Variants in F2RL2 observed in about 807,000 individuals in gnomAD.
F2RL2 encodes the protein coagulation factor II thrombin receptor like 2.
F2RL2 carries 4 observed loss-of-function variants against 4.3 expected under a neutral mutation model. The observed-to-expected ratio is 0.93, with a 90% CI of 0.46 to 2.12. F2RL2 has a LOEUF of 2.12. Ranked by LOEUF, F2RL2 falls within the 30% of genes most tolerant of loss-of-function variation. The pLI, the probability that F2RL2 is intolerant of heterozygous loss-of-function variation, is 0.02. For missense variants in F2RL2, 408 were observed against 449.3 expected, an observed-to-expected ratio of 0.91 and a Z score of 0.83; for synonymous variants, 166 against 170.9, an observed-to-expected ratio of 0.97 and a Z score of 0.22.
At chr5:76,619,201 G>A (rs1444062472) in intron 1 of F2RL2, among the ~76,000 whole-genome samples, 1 of 152,148 alleles carries the variant, frequency 6.6e-6, no homozygotes, top group African/African-American at 2.4e-5. Context: ...ATTTCTATCT[G>A]TAAGTAATGC....
intron 1 of F2RL2, among the ~76,000 whole-genome samples, chr5:76,619,963 G>C (rs1440855488): frequency 6.6e-6 from 1 of 152,094 alleles, no homozygotes; most frequent in African/African-American, 2.4e-5. Context: ...ATGGAAGAAA[G>C]GGTCATAACC....
At position 76,619,836 on chromosome 5, in the gene F2RL2, G is replaced by A. The variant is rs927644485; in HGVS notation, c.65-1194C>T. On this transcript the variant is annotated intron_variant, in intron 1 of 1. Coordinates refer to ENST00000296641, the MANE Select transcript of F2RL2 (RefSeq NM_004101.4). ...CCCGGCCAGTTAAGGATCTTAAAATGAGATTTTCCTGGATTGCCTGGGTGG... is the reference window on the plus strand; with the variant it reads ...CCCGGCCAGTTAAGGATCTTAAAATAAGATTTTCCTGGATTGCCTGGGTGG... Among the ~76,000 whole-genome samples, 6 of 152,240 alleles carry A rather than the reference G, an allele frequency of 3.9e-5. No homozygotes were observed. In the South Asian group the frequency reaches 1.0e-3, roughly 26 times the overall value.
chr5:76,617,821 A>G lies in F2RL2; in HGVS notation c.886T>C (p.Trp296Arg). Residue 296 changes from tryptophan (W) to arginine (R), a missense_variant, in exon 2 of 2, where the codon TGG becomes CGG. Trp to Arg is a moderately radical substitution (Grantham distance 101). Coordinates refer to ENST00000296641, the MANE Select transcript of F2RL2 (RefSeq NM_004101.4). Reference protein sequence around the residue: ...IRTLNAYDHRWLWYVKASLLI... With the variant: ...IRTLNAYDHRRLWYVKASLLI... ...AGACTCGCCTTAACATACCACAACC[A>G]TCTATGATCGTATGCATTAAGTGTC... 3 of 1,614,038 alleles carry G rather than the reference A, an allele frequency of 1.9e-6. No homozygotes were observed. The highest frequency in any genetic ancestry group is 1.6e-4 in the Middle Eastern group (1 of 6,062).
rs1431917632 is a variant in F2RL2 at position 76,617,539 on chromosome 5, A to T, written c.*43T>A. 1 of 1,479,764 alleles carries T rather than the reference A, an allele frequency of 6.8e-7. No homozygotes were observed. Among genetic ancestry groups the T allele is most frequent in the South Asian group, 1.3e-5 (1 of 78,788 alleles). 91.7% of individuals were successfully genotyped at this position (1,479,764 alleles called of 1,614,324 possible). A position where few individuals can be genotyped will look rare whatever the true frequency, so the allele number is the denominator to read the frequency against. ...ATGCTTATGTTGTTCTTGAAAACAGACGTTCTCTGTGATGGCTGTCCTTGT... is the reference window on the plus strand; with the variant it reads ...ATGCTTATGTTGTTCTTGAAAACAGTCGTTCTCTGTGATGGCTGTCCTTGT... On this transcript the variant is annotated 3_prime_UTR_variant, in exon 2 of 2. Transcript: ENST00000296641.
intron 1 of F2RL2, among the ~76,000 whole-genome samples, 196 bp downstream of exon 1, chr5:76,622,967 CACTT>C (rs1311611262): frequency 2.0e-5 from 3 of 152,146 alleles, no homozygotes; most frequent in African/African-American, 7.2e-5. Context: ...CAGGAGGGAA[CACTT>C]AGTCTATGAC....
Position 76,618,063 on chromosome 5 carries a change from C to G in F2RL2, c.644G>C (p.Gly215Ala), listed in dbSNP as rs1289826196. Residue 215 changes from glycine to alanine, a missense_variant, in exon 2 of 2, where the codon GGA becomes GCA. Gly to Ala is a moderately conservative substitution (Grantham distance 60, BLOSUM62 0). Coordinates refer to ENST00000296641, the MANE Select transcript of F2RL2 (RefSeq NM_004101.4). ...TAAGAAAACTGTTGCCCACACCAGT[C>G]CACATGTTACCAAGGCATAGGTGTG... ...PKHTYALVTCGLVWATVFLYM... is the reference protein window; with the variant it reads ...PKHTYALVTCALVWATVFLYM... The G allele has an allele frequency of 5.0e-6, 8 of 1,613,946 alleles. No individual in the cohort carries two copies. Among genetic ancestry groups the G allele is most frequent in the Non-Finnish European group, 5.9e-6 (7 of 1,180,022 alleles).
At chr5:76,621,505 T>C (rs919141812) in intron 1 of F2RL2, among the ~76,000 whole-genome samples, 7 of 152,232 alleles carry the variant, frequency 4.6e-5, no homozygotes, top group Admixed American at 4.6e-4. Flanking sequence ...CCTTTAAAGA[T>C]AGGCACAAAG....
rs1749796082 is a variant in F2RL2 at position 76,622,479 on chromosome 5, C to G, written c.64+688G>C. Among the ~76,000 whole-genome samples the G allele has an allele frequency of 5.3e-5, 8 of 152,276 alleles. No homozygotes were observed. The South Asian group carries it at 1.7e-3, about 32-fold the overall frequency. Reference sequence around the variant, plus strand: ...CCTCTCCCACTCCTAACAATGTTGACTGGAGTGTGTGACCTAACAAAGAGT... The same window carrying G: ...CCTCTCCCACTCCTAACAATGTTGAGTGGAGTGTGTGACCTAACAAAGAGT... On this transcript the variant is annotated intron_variant, in intron 1 of 1. Coordinates refer to ENST00000296641, the MANE Select transcript of F2RL2 (RefSeq NM_004101.4).
chr5:76,618,846 A>G (rs1302631403), intron 1 of F2RL2, among the ~76,000 whole-genome samples: 1 of 152,236 alleles, frequency 6.6e-6, no homozygotes, highest in Non-Finnish European at 1.5e-5. Flanking sequence ...GGAAACAAAA[A>G]CTAAATGATC....
chr5:76,623,284 A>G lies in F2RL2; in HGVS notation c.-54T>C. 6.3e-7 allele frequency: 1 copy of G among 1,597,890 alleles called. No individual in the cohort carries two copies. Among genetic ancestry groups the G allele is most frequent in the Non-Finnish European group, 8.6e-7 (1 of 1,165,488 alleles). On this transcript the variant is annotated 5_prime_UTR_variant, in exon 1 of 2. Transcript: ENST00000296641. Reference sequence around the variant, plus strand: ...CGTTATGAAATCTGTAAAATCATGGAGCACAATTTCACCTCAGTTCCATGT... The same window carrying G: ...CGTTATGAAATCTGTAAAATCATGGGGCACAATTTCACCTCAGTTCCATGT...
At chr5:76,621,743 G>C (rs2150364201) in intron 1 of F2RL2, among the ~76,000 whole-genome samples, 1 of 152,232 alleles carries the variant, frequency 6.6e-6, no homozygotes, top group Non-Finnish European at 1.5e-5. Context: ...TTATTCCTCA[G>C]AGCCTGGTTT....
intron 1 of F2RL2, among the ~76,000 whole-genome samples, chr5:76,619,828 C>T (rs1561519427): frequency 6.6e-6 from 1 of 152,068 alleles, no homozygotes; most frequent in Non-Finnish European, 1.5e-5. Context: ...AGTTAAGGAT[C>T]TTAAAATGAG....
In F2RL2 at chr5:76,617,903, G is replaced by A; in HGVS notation, c.804C>T (p.Phe268=). 1 of 1,614,102 alleles carries A rather than the reference G, an allele frequency of 6.2e-7. No individual in the cohort carries two copies. The highest frequency in any genetic ancestry group is 8.5e-7 in the Non-Finnish European group (1 of 1,180,010). ...FQLYYFISLA[F]FGFLIPFVLI... ...GCACAAATGGAATTAAGAATCCAAAGAATGCCAAGGAGATGAAGTAATAGA... is the reference window on the plus strand; with the variant it reads ...GCACAAATGGAATTAAGAATCCAAAAAATGCCAAGGAGATGAAGTAATAGA... Residue 268 remains phenylalanine, a synonymous_variant, in exon 2 of 2, where the codon TTC becomes TTT. Transcript: ENST00000296641.
Position 76,618,233 on chromosome 5 carries a change from G to A in F2RL2, c.474C>T (p.Asn158=). 1.2e-6 allele frequency: 2 copies of A among 1,614,170 alleles called. No homozygotes were observed. Among genetic ancestry groups the A allele is most frequent in the Non-Finnish European group, 1.7e-6 (2 of 1,180,020 alleles). ...FKIAYHLNGN[N]WVFGEVLCRA... is the part of the protein sequence containing the mutation. ...GGCACAGGACCTCTCCAAATACCCA[G>A]TTGTTCCCATTGAGATGATAAGCTA... Residue 158 remains asparagine, a synonymous_variant, in exon 2 of 2, where the codon AAC becomes AAT. Coordinates refer to ENST00000296641, the MANE Select transcript of F2RL2 (RefSeq NM_004101.4).
rs537743383 is a variant in F2RL2 at position 76,619,382 on chromosome 5, G to A, written c.65-740C>T. ...GGGATTGCACACACAATTTTGAACA[G>A]AGGAATGACCATTGTGTTAGGCAGA... On this transcript the variant is annotated intron_variant, in intron 1 of 1. Coordinates refer to ENST00000296641, the MANE Select transcript of F2RL2 (RefSeq NM_004101.4). Among the ~76,000 whole-genome samples, 4 of 152,250 alleles carry A rather than the reference G, an allele frequency of 2.6e-5. No individual in the cohort carries two copies. In the South Asian group the frequency reaches 8.3e-4, roughly 32 times the overall value.
chr5:76,622,958 A>G (rs1344778278), intron 1 of F2RL2, among the ~76,000 whole-genome samples: 1 of 152,230 alleles, frequency 6.6e-6, no homozygotes, highest in Non-Finnish European at 1.5e-5. Context: ...TTTAAACATC[A>G]GGAGGGAACA....
chr5:76,623,048 A>T lies in F2RL2; in HGVS notation c.64+119T>A. ...ATGATTCTACCTTTTAATAATAAAG[A>T]TCAAACTGCCTTTGGGGTTTACAGT... On this transcript the variant is annotated intron_variant, in intron 1 of 1. Coordinates refer to ENST00000296641, the MANE Select transcript of F2RL2 (RefSeq NM_004101.4). 3.5e-6 allele frequency: 3 copies of T among 868,958 alleles called. No individual in the cohort carries two copies. In the South Asian group the frequency reaches 4.6e-5, roughly 13 times the overall value. 53.8% of individuals were successfully genotyped at this position (868,958 alleles called of 1,614,324 possible).
In F2RL2 at chr5:76,618,518, C is replaced by T. The variant is rs749677052; in HGVS notation, c.189G>A (p.Thr63=). ...FSALEGWTGA[T]ITVKIKCPEE... ...CAGGGCACTTAATTTTTACAGTAATCGTGGCTCCTGTCCAGCCTTCCAAGG... is the reference window on the plus strand; with the variant it reads ...CAGGGCACTTAATTTTTACAGTAATTGTGGCTCCTGTCCAGCCTTCCAAGG... The change falls in exon 2 of 2, where the codon ACG becomes ACA. Residue 63 remains threonine (T), a synonymous_variant. Coordinates refer to ENST00000296641, the MANE Select transcript of F2RL2 (RefSeq NM_004101.4). 9.7e-5 allele frequency: 156 copies of T among 1,614,044 alleles called. No homozygotes were observed. The highest frequency in any genetic ancestry group is 1.3e-4 in the Non-Finnish European group (149 of 1,180,028).
In F2RL2 at chr5:76,615,824, A is replaced by T. The variant is rs878963131; in HGVS notation, c.*1758T>A. The T allele has an allele frequency of 6.6e-6, 1 of 152,666 alleles. No homozygotes were observed. Among genetic ancestry groups the T allele is most frequent in the African/African-American group, 2.4e-5 (1 of 41,458 alleles). 9.5% of individuals were successfully genotyped at this position (152,666 alleles called of 1,614,324 possible). On this transcript the variant is annotated 3_prime_UTR_variant, in exon 2 of 2. Transcript: ENST00000296641. ...GTCTAAGAAAAAAAATAGTGGAGGC[A>T]TTATTTAAAACTTCTAAATGGCCTG...
Sources: allele counts gnomAD v4.1 joint callset (sites outside exome capture counted in the v4.1 genomes callset), GRCh38; gene constraint gnomAD v4.1.1; transcripts MANE v1.5; gene names NCBI Gene and HGNC (gene_info 2026-07-23, HGNC 2026-07-21).